The following RNF103 variants were observed in gnomAD, a reference collection of about 807,000 sequenced individuals.
The protein encoded by RNF103 is ring finger protein 103, also known as E3 ubiquitin-protein ligase RNF103.
RNF103 carries 23 observed loss-of-function variants against 66.2 expected under a neutral mutation model. The ratio of observed to expected loss-of-function variants is 0.35; its 90% confidence interval spans 0.25 to 0.49. RNF103 has a LOEUF of 0.49. RNF103 is among the 20% of genes least tolerant of loss of function. RNF103 has a pLI of 0.98. For synonymous variants in RNF103, 297 were observed against 289.9 expected, an observed-to-expected ratio of 1.02 and a Z score of -0.25; for missense variants, 730 against 814.7, an observed-to-expected ratio of 0.90 and a Z score of 1.27.
chr2:86,620,516 G>C, intron 1 of RNF103, 47 bp from the exon 2 acceptor site: 1 of 1,473,440 alleles, frequency 6.8e-7, no homozygotes, highest in Non-Finnish European at 9.1e-7. Context: ...AAGAATCCTA[G>C]ATTCCCAATT....
chr2:86,622,660 C>T lies in RNF103; in HGVS notation c.226+1G>A. 6.2e-7 allele frequency: 1 copy of T among 1,614,008 alleles called. No homozygotes were observed. The highest frequency in any genetic ancestry group is 8.5e-7 in the Non-Finnish European group (1 of 1,179,994). ...GACCCTAGGGGAAGCCCGATACTCG[C>T]CTGACTTTTCCACCAGCTCCCGGAC... On this transcript the variant is annotated splice_donor_variant, in intron 1 of 3. Transcript: ENST00000237455. LOFTEE classifies it high-confidence loss of function.
At chr2:86,615,613 T>C (rs1489788599) in intron 2 of RNF103, among the ~76,000 whole-genome samples, 1 of 151,438 alleles carries the variant, frequency 6.6e-6, no homozygotes, top group Admixed American at 6.6e-5. Flanking sequence ...GAAGGATGCA[T>C]GATGATTCTG....
Position 86,623,218 on chromosome 2 carries a change from A to T in RNF103, c.-332T>A. On this transcript the variant is annotated 5_prime_UTR_variant, in exon 1 of 4. In the 5' UTR this introduces an upstream ATG that the reference lacks. Coordinates refer to ENST00000237455, the MANE Select transcript of RNF103 (RefSeq NM_005667.4). Reference sequence around the variant, plus strand: ...CGGGGAGAGCTCGCGGGGAAGAACAAAACGAGGGACGCTTCCCCCGGGGCG... The same window carrying T: ...CGGGGAGAGCTCGCGGGGAAGAACATAACGAGGGACGCTTCCCCCGGGGCG... The T allele has an allele frequency of 9.8e-7, 1 of 1,018,688 alleles. No homozygotes were observed. The highest frequency in any genetic ancestry group is 9.6e-5 in the East Asian group (1 of 10,394). 63.1% of individuals were successfully genotyped at this position (1,018,688 alleles called of 1,614,324 possible).
intron 2 of RNF103, chr2:86,614,748 CAA>C (rs1678952486): frequency 1.0e-6 from 1 of 964,126 alleles, no homozygotes; most frequent in African/African-American, 1.8e-5. Context: ...GTCAAATAAT[CAA>C]AGACAAGTTT....
chr2:86,618,017 GA>G, intron 2 of RNF103: 1 of 457,880 alleles, frequency 2.2e-6, no homozygotes, highest in Non-Finnish European at 4.4e-6. Flanking sequence ...AGCATCACTG[GA>G]AAAATTAAGC....
intron 3 of RNF103, among the ~76,000 whole-genome samples, chr2:86,609,936 C>T (rs566351944): frequency 6.6e-6 from 1 of 152,310 alleles, no homozygotes; most frequent in East Asian, 1.9e-4. Context: ...TAACACTATT[C>T]TCTGCCCACT....
intron 2 of RNF103, among the ~76,000 whole-genome samples, chr2:86,620,126 T>G (rs1679170639): frequency 1.3e-5 from 2 of 152,226 alleles, no homozygotes; most frequent in Admixed American, 1.3e-4. Context: ...TCCCCCATCT[T>G]TCTCTTTCCC....
chr2:86,607,244 A>G (rs1304434690), intron 3 of RNF103, among the ~76,000 whole-genome samples: 2 of 152,240 alleles, frequency 1.3e-5, no homozygotes, highest in Non-Finnish European at 2.9e-5. Context: ...TAAAAGTCAT[A>G]GATGTTATGC....
At chr2:86,612,322 G>T (rs749731178) in intron 2 of RNF103, 48 bp from the exon 3 acceptor site, 9 of 1,082,352 alleles carry the variant, frequency 8.3e-6, no homozygotes, top group Non-Finnish European at 1.3e-5. Flanking sequence ...CTAAAATGGA[G>T]TCAAGCCAAC....
In RNF103 at chr2:86,604,342, A is replaced by C. The variant is rs748453172; in HGVS notation, c.1559T>G (p.Leu520Arg). ...KNLPMWRFKC[L>R]GVQSEEEMSE... is the part of the protein sequence containing the mutation. ...CATTTCCTCTTCAGACTGGACTCCA[A>C]GACATTTAAATCGCCACATTGGTAA... Residue 520 changes from leucine to arginine, a missense_variant, in exon 4 of 4, where the codon CTT (leucine) becomes CGT (arginine). Leu to Arg is a moderately radical substitution (Grantham distance 102). Transcript: ENST00000237455. 2 of 1,614,126 alleles carry C rather than the reference A, an allele frequency of 1.2e-6. No homozygotes were observed. Among genetic ancestry groups the C allele is most frequent in the African/African-American group, 2.7e-5 (2 of 74,946 alleles).
At chr2:86,614,839 C>T (rs1424543600) in intron 2 of RNF103, 1 of 985,246 alleles carries the variant, frequency 1.0e-6, no homozygotes, top group East Asian at 1.1e-4. Context: ...TCTTTGCCCT[C>T]TTTTAAAAAT....
At chr2:86,609,746 T>C (rs187573503) in intron 3 of RNF103, among the ~76,000 whole-genome samples, 25 of 152,162 alleles carry the variant, frequency 1.6e-4, no homozygotes, top group African/African-American at 6.0e-4. Context: ...GTCAGGAAAG[T>C]ACAGCTGTAC....
In RNF103 at chr2:86,612,275, C is replaced by T. The variant is rs1678827280; in HGVS notation, c.367-1G>A. 1 of 1,581,766 alleles carries T rather than the reference C, an allele frequency of 6.3e-7. No homozygotes were observed. On this transcript the variant is annotated splice_acceptor_variant, in intron 2 of 3. Transcript: ENST00000237455. LOFTEE classifies it high-confidence loss of function. Reference sequence around the variant, plus strand: ...AGGGACTTCTGTCATTTGCTATGACCTATTCCCAAAAATAGAGAAAAAGAA... The same window carrying T: ...AGGGACTTCTGTCATTTGCTATGACTTATTCCCAAAAATAGAGAAAAAGAA...
Position 86,623,782 on chromosome 2 carries a change from A to G in RNF103, c.-896T>C. The G allele has an allele frequency of 7.8e-7, 1 of 1,282,440 alleles. No individual in the cohort carries two copies. The highest frequency in any genetic ancestry group is 1.0e-6 in the Non-Finnish European group (1 of 986,300). 79.4% of individuals were successfully genotyped at this position (1,282,440 alleles called of 1,614,324 possible). A position where few individuals can be genotyped will look rare whatever the true frequency, so the allele number is the denominator to read the frequency against. On this transcript the variant is annotated 5_prime_UTR_variant, in exon 1 of 4. Coordinates refer to ENST00000237455, the MANE Select transcript of RNF103 (RefSeq NM_005667.4). ...GTGCCGGTCGCAGCACCCGTCCCCA[A>G]CACCCCCGCCACCTCCGGAGACCGC...
At chr2:86,621,198 G>C (rs1474691411) in intron 1 of RNF103, among the ~76,000 whole-genome samples, 1 of 152,096 alleles carries the variant, frequency 6.6e-6, no homozygotes, top group Non-Finnish European at 1.5e-5. Context: ...CATAAAACGT[G>C]TGATTTGAGT....
chr2:86,617,260 A>G, intron 2 of RNF103: 1 of 985,444 alleles, frequency 1.0e-6, no homozygotes, highest in Non-Finnish European at 1.2e-6. Context: ...TCATTTATGA[A>G]AACACTCCTC....
chr2:86,616,833 G>A (rs1679042798), intron 2 of RNF103: 14 of 985,292 alleles, frequency 1.4e-5, no homozygotes, highest in Non-Finnish European at 1.4e-5. Flanking sequence ...ATGTTAGGAG[G>A]AGGATAAATC....
At chr2:86,611,624 C>T (rs1015759329) in intron 3 of RNF103, among the ~76,000 whole-genome samples, 9 of 151,130 alleles carry the variant, frequency 6.0e-5, no homozygotes, top group African/African-American at 7.3e-5. Context: ...GGAAAACCGG[C>T]GAAGGACAGA....
At chr2:86,612,522 G>A (rs919793716) in intron 2 of RNF103, 2 of 317,446 alleles carry the variant, frequency 6.3e-6, no homozygotes, top group Non-Finnish European at 1.1e-5. Context: ...GAGAGGGAGG[G>A]AGTCAAAACT....
Sources: allele counts gnomAD v4.1 joint callset (sites outside exome capture counted in the v4.1 genomes callset), GRCh38; gene constraint gnomAD v4.1.1; transcripts MANE v1.5; gene names NCBI Gene and HGNC (gene_info 2026-07-23, HGNC 2026-07-21).